The following MEFV variants were observed in gnomAD, a reference collection of about 807,000 sequenced individuals.
MEFV encodes the protein pyrin.
Under a neutral mutation model 62.5 loss-of-function variants are expected in MEFV, and 60 were observed. That is an observed-to-expected ratio of 0.96 (90% CI 0.78 to 1.19). The LOEUF is 1.19. Among genes scored for constraint, MEFV ranks in the 50% most tolerant of loss-of-function variants. The pLI, the probability that MEFV is intolerant of heterozygous loss-of-function variation, is 0.00. For missense variants in MEFV, 1,169 were observed against 1,004.5 expected (o/e 1.16, Z -2.21); for synonymous variants, 500 against 415.2 (o/e 1.20, Z -2.48).
chr16:3,253,739 T>C (rs1319863796), intron 2 of MEFV, among the ~76,000 whole-genome samples: 1 of 152,032 alleles, frequency 6.6e-6, no homozygotes, highest in Non-Finnish European at 1.5e-5. Flanking sequence ...TGGTGTGCAG[T>C]GGCATGATCT....
Position 3,254,145 on chromosome 16 carries a change from G to T in MEFV, c.910+13C>A. On this transcript the variant is annotated intron_variant, in intron 2 of 9. Coordinates refer to ENST00000219596, the MANE Select transcript of MEFV (RefSeq NM_000243.3). Reference sequence around the variant, plus strand: ...TCTGCAGCCGATATAAAGTAGGAAAGAACACAATTTACCGGTGACCGAATG... The same window carrying T: ...TCTGCAGCCGATATAAAGTAGGAAATAACACAATTTACCGGTGACCGAATG... 2 of 1,613,646 alleles carry T rather than the reference G, an allele frequency of 1.2e-6. No homozygotes were observed. Among genetic ancestry groups the T allele is most frequent in the Non-Finnish European group, 1.7e-6 (2 of 1,179,822 alleles).
rs115629728 is a variant in MEFV at position 3,245,851 on chromosome 16, G to A, written c.1610+674C>T. On this transcript the variant is annotated intron_variant, in intron 6 of 9. Coordinates refer to ENST00000219596, the MANE Select transcript of MEFV (RefSeq NM_000243.3). ...TAGGTACCCAAAATAACAAAGCAGG[G>A]TCTCAAGCAGATATTTGTACACCCT... Among the ~76,000 whole-genome samples, 466 of 152,210 alleles carry A rather than the reference G, an allele frequency of 3.1e-3. 3 individuals carry two copies. Among genetic ancestry groups the A allele is most frequent in the African/African-American group, 9.7e-3 (401 of 41,508 alleles).
At chr16:3,254,919 G>C (rs181162651) in intron 1 of MEFV, 129 bp from the exon 2 acceptor site, 22 of 1,464,124 alleles carry the variant, frequency 1.5e-5, no homozygotes, top group Non-Finnish European at 1.9e-6. Flanking sequence ...GGCCGGGCGC[G>C]GTGGCTCATG....
rs1958956068 is a variant in MEFV at position 3,247,218 on chromosome 16, AC to A, written c.1384del (p.Val462CysfsTer51). The part of the protein sequence containing the change: ...LKQTEALKQR[V>X]QRKLEQVYYF... ...GTACACCTGCTCCAGCTTCCTCTGC[AC>A]CCGCTGCTTCAGCGCTTCAGTTTGT... is the stretch of plus-strand genomic sequence containing the variant. On this transcript the variant is annotated frameshift_variant, in exon 5 of 10. Coordinates refer to ENST00000219596, the MANE Select transcript of MEFV (RefSeq NM_000243.3). LOFTEE classifies it high-confidence loss of function. The A allele has an allele frequency of 6.2e-7, 1 of 1,614,006 alleles. No individual in the cohort carries two copies.
chr16:3,243,149 G>T lies in MEFV; in HGVS notation c.2338C>A (p.Pro780Thr), dbSNP rs104895154. Residue 780 changes from proline to threonine, a missense_variant, in exon 10 of 10, where the codon CCT becomes ACT. Transcript: ENST00000219596. ...GATGCAGTGTTGGGCATTCAGTCAG[G>T]CCCCTGACCACCCACTGGACAGATA... The part of the protein sequence containing the change: ...LTICPVGGQG[P>T]D 75 of 1,613,216 alleles carry T rather than the reference G, an allele frequency of 4.6e-5. No homozygotes were observed. The highest frequency in any genetic ancestry group is 5.8e-5 in the Non-Finnish European group (68 of 1,179,996).
intron 6 of MEFV, among the ~76,000 whole-genome samples, chr16:3,244,942 C>A (rs1481545880): frequency 6.6e-6 from 1 of 151,976 alleles, no homozygotes; most frequent in Non-Finnish European, 1.5e-5. Context: ...ACACACACAA[C>A]AAAATATCCC....
At chr16:3,245,871 C>T (rs1040545479) in intron 6 of MEFV, among the ~76,000 whole-genome samples, 4 of 152,136 alleles carry the variant, frequency 2.6e-5, no homozygotes, top group African/African-American at 7.2e-5. Flanking sequence ...GATATTTGTA[C>T]ACCCTTGTTC....
At chr16:3,253,774 G>A (rs750061735) in intron 2 of MEFV, among the ~76,000 whole-genome samples, 21 of 151,962 alleles carry the variant, frequency 1.4e-4, no homozygotes, top group Non-Finnish European at 2.2e-4. Context: ...CTGGAACTCC[G>A]TCTGCTCAAG....
chr16:3,253,266 G>C (rs1053188544), intron 2 of MEFV, among the ~76,000 whole-genome samples: 1 of 152,036 alleles, frequency 6.6e-6, no homozygotes, highest in African/African-American at 2.4e-5. Context: ...TCCCCTAAAA[G>C]AAGATGGCCA....
Position 3,248,990 on chromosome 16 carries a change from C to T in MEFV, c.1275G>A (p.Lys425=). ...TCAGCTTCTTCAGATGCTCCAGCTGCTTCTGAATTTTCTTCTGGAAAAACA... is the reference window on the plus strand; with the variant it reads ...TCAGCTTCTTCAGATGCTCCAGCTGTTTCTGAATTTTCTTCTGGAAAAACA... ...VALEHKKKIQ[K]QLEHLKKLRK... The change falls in exon 4 of 10, where the codon AAG becomes AAA. Residue 425 remains lysine, a synonymous_variant. Transcript: ENST00000219596. The T allele has an allele frequency of 1.9e-6, 3 of 1,614,234 alleles. No individual in the cohort carries two copies. Among genetic ancestry groups the T allele is most frequent in the Non-Finnish European group, 2.5e-6 (3 of 1,180,034 alleles).
At chr16:3,250,990 C>T (rs994565400) in intron 2 of MEFV, among the ~76,000 whole-genome samples, 5 of 142,222 alleles carry the variant, frequency 3.5e-5, no homozygotes, top group African/African-American at 1.3e-4. Context: ...CGCCACTGCA[C>T]TCCAGTCTGG....
intron 4 of MEFV, 83 bp from the exon 5 acceptor site, chr16:3,247,329 CTGG>C: frequency 4.9e-6 from 6 of 1,232,946 alleles, no homozygotes; most frequent in African/African-American, 1.5e-5. Context: ...AGCCCACCTC[CTGG>C]AGGTGGATAA....
In MEFV at chr16:3,243,112, A is replaced by G; in HGVS notation, c.*29T>C. On this transcript the variant is annotated 3_prime_UTR_variant, in exon 10 of 10. Coordinates refer to ENST00000219596, the MANE Select transcript of MEFV (RefSeq NM_000243.3). ...TGTGAATGCAAGATACAAGGCCAGA[A>G]GCAGGAAGAGAGATGCAGTGTTGGG... 6.2e-7 allele frequency: 1 copy of G among 1,609,970 alleles called. No homozygotes were observed.
rs1404279377 is a variant in MEFV at position 3,242,797 on chromosome 16, G to A, written c.*344C>T. 4 of 387,840 alleles carry A rather than the reference G, an allele frequency of 1.0e-5. No individual in the cohort carries two copies. Among genetic ancestry groups the A allele is most frequent in the Non-Finnish European group, 2.0e-5 (4 of 203,856 alleles). The allele number at this position is 387,840 out of a possible 1,614,324, so 24.0% of individuals were successfully genotyped here. On this transcript the variant is annotated 3_prime_UTR_variant, in exon 10 of 10. Transcript: ENST00000219596. ...AAGACAGAAGCAGAGAGAACAAGGGGACATATATCCTTGCCGTGGGGTTCT... is the reference window on the plus strand; with the variant it reads ...AAGACAGAAGCAGAGAGAACAAGGGAACATATATCCTTGCCGTGGGGTTCT...
chr16:3,244,311 G>GTTC, intron 7 of MEFV, 25 bp from the exon 8 acceptor site: 1 of 1,614,002 alleles, frequency 6.2e-7, no homozygotes, highest in Non-Finnish European at 8.5e-7. Context: ...AGGGAGCAGA[G>GTTC]AGAAGCTGGA....
chr16:3,249,689 G>T lies in MEFV; in HGVS notation c.1002C>A (p.Phe334Leu). The change falls in exon 3 of 10, where the codon TTC becomes TTA. Residue 334 changes from phenylalanine to leucine, a missense_variant. By Grantham distance (22) the Phe-to-Leu change is conservative. Transcript: ENST00000219596. ...GGGGGTGCCCAGAAACTGCCTCGGGGAAGCTGCAGGAATCACGCACACAGG... is the reference window on the plus strand; with the variant it reads ...GGGGGTGCCCAGAAACTGCCTCGGGTAAGCTGCAGGAATCACGCACACAGG... ...DGTCVRDSCS[F>L]PEAVSGHPQA... is the part of the protein sequence containing the mutation. The T allele has an allele frequency of 6.2e-7, 1 of 1,613,012 alleles. No homozygotes were observed.
rs771061550 is a variant in MEFV, at chr16:3,247,070, C to T, written c.1533G>A (p.Ala511=). 1.5e-5 allele frequency: 24 copies of T among 1,614,156 alleles called. No individual in the cohort carries two copies. The highest frequency in any genetic ancestry group is 4.0e-5 in the African/African-American group (3 of 75,046). The stretch of plus-strand genomic sequence containing the variant: ...CCTTGGCCTCCAGTTCCCCAATCAG[C>T]GCATCGAGCAGGGCGATGTCCTGGG... The part of the protein sequence containing the change: ...RVSQDIALLD[A]LIGELEAKEC... Residue 511 remains alanine, a synonymous_variant, in exon 5 of 10, where the codon GCG becomes GCA. Coordinates refer to ENST00000219596, the MANE Select transcript of MEFV (RefSeq NM_000243.3).
In MEFV at chr16:3,244,246, G is replaced by A. The variant is rs77380520; in HGVS notation, c.1759+8C>T. 3.8e-3 allele frequency: 6,079 copies of A among 1,613,954 alleles called. 270 individuals carry two copies. The East Asian group carries it at 0.089, about 24-fold the overall frequency. On this transcript the variant is annotated splice_region_variant and intron_variant, in intron 8 of 9. Coordinates refer to ENST00000219596, the MANE Select transcript of MEFV (RefSeq NM_000243.3). ...CAGGCCAGCACACACCATTACCGCT[G>A]GACTCACCATTGAACATTTCCATTT... is the stretch of plus-strand genomic sequence containing the variant.
At position 3,242,208 on chromosome 16, in the gene MEFV, CA is replaced by C. The variant is rs1216511263; in HGVS notation, c.*932del. The C allele has an allele frequency of 2.4e-5, 6 of 252,898 alleles. No homozygotes were observed. The highest frequency in any genetic ancestry group is 6.1e-5 in the South Asian group (2 of 32,730). 15.7% of individuals were successfully genotyped at this position (252,898 alleles called of 1,614,324 possible). Reference sequence around the variant, plus strand: ...TGAAACCTCATGTCTACTAAAAATGCAAAAAATTAGCCGGGCATGGTGGCGG... The same window carrying C: ...TGAAACCTCATGTCTACTAAAAATGCAAAAATTAGCCGGGCATGGTGGCGG... On this transcript the variant is annotated 3_prime_UTR_variant, in exon 10 of 10. Coordinates refer to ENST00000219596, the MANE Select transcript of MEFV (RefSeq NM_000243.3).
Sources: allele counts gnomAD v4.1 joint callset (sites outside exome capture counted in the v4.1 genomes callset), GRCh38; gene constraint gnomAD v4.1.1; transcripts MANE v1.5; gene names NCBI Gene and HGNC (gene_info 2026-07-23, HGNC 2026-07-21).